The following PTPRG variants were observed in gnomAD, a reference collection of about 807,000 sequenced individuals.
The protein encoded by PTPRG is receptor-type tyrosine-protein phosphatase gamma.
In PTPRG, 102 loss-of-function variants were observed where a neutral mutation model predicts 165.3. The observed-to-expected ratio is 0.62, with a 90% CI of 0.53 to 0.73. The LOEUF is 0.73. Among genes scored for constraint, PTPRG ranks in the 30% least tolerant of loss-of-function variants. PTPRG has a pLI of 0.00. For synonymous variants in PTPRG, 675 were observed against 669.5 expected (o/e 1.01, Z -0.13); for missense variants, 1,866 against 1,861.4 (o/e 1.00, Z -0.05).
intron 13 of PTPRG, among the ~76,000 whole-genome samples, chr3:62,227,416 C>T (rs1183005503): frequency 6.6e-6 from 1 of 152,198 alleles, no homozygotes; most frequent in Non-Finnish European, 1.5e-5. Context: ...CCCCTGTTAA[C>T]CAGCAATAAT....
At chr3:61,636,979 T>C (rs1014828766) in intron 1 of PTPRG, among the ~76,000 whole-genome samples, 1 of 152,216 alleles carries the variant, frequency 6.6e-6, no homozygotes, top group African/African-American at 2.4e-5. Context: ...GCCAATTGGT[T>C]AAATCTCCAT....
chr3:61,959,795 C>T (rs1264985951), intron 2 of PTPRG, among the ~76,000 whole-genome samples: 1 of 152,192 alleles, frequency 6.6e-6, no homozygotes, highest in Non-Finnish European at 1.5e-5. Flanking sequence ...TGATCAGTGT[C>T]CCTGCCTGTG....
At chr3:62,020,584 A>G (rs2041665999) in intron 4 of PTPRG, among the ~76,000 whole-genome samples, 1 of 152,158 alleles carries the variant, frequency 6.6e-6, no homozygotes, top group African/African-American at 2.4e-5. Context: ...ACTTATTTCC[A>G]CTTAATAGAT....
Position 62,233,590 on chromosome 3 carries a change from A to T in PTPRG, c.2375+2279A>T, listed in dbSNP as rs1221982896. Among the ~76,000 whole-genome samples, 3 of 152,176 alleles carry T rather than the reference A, an allele frequency of 2.0e-5. No individual in the cohort carries two copies. The highest frequency in any genetic ancestry group is 4.4e-5 in the Non-Finnish European group (3 of 68,018). On this transcript the variant is annotated intron_variant, in intron 14 of 29. Transcript: ENST00000474889. The surrounding 1 kb of genome is among the most constrained non-coding windows in gnomAD (Gnocchi z 4.7). ...CCACCTAAAATGTGGCCAGGAATCA[A>T]AAGAAGAGCCCCCAGTGATAGCTAA... is the stretch of plus-strand genomic sequence containing the variant.
At chr3:61,844,123 C>A (rs1186672601) in intron 2 of PTPRG, among the ~76,000 whole-genome samples, 3 of 152,020 alleles carry the variant, frequency 2.0e-5, no homozygotes, top group African/African-American at 7.2e-5. Flanking sequence ...GCCCCCAGGC[C>A]CGGCTATATT....
intron 4 of PTPRG, among the ~76,000 whole-genome samples, chr3:62,006,554 C>T (rs931171882): frequency 1.3e-5 from 2 of 152,062 alleles, no homozygotes; most frequent in Non-Finnish European, 2.9e-5. Flanking sequence ...TATCATGGAG[C>T]AATTTATCAG....
In PTPRG at chr3:61,563,361, C is replaced by T. The variant is rs565962499; in HGVS notation, c.85+989C>T. Among the ~76,000 whole-genome samples, 206 of 152,232 alleles carry T rather than the reference C, an allele frequency of 1.4e-3. 1 individual carries two copies. Among genetic ancestry groups the T allele is most frequent in the African/African-American group, 4.7e-3 (195 of 41,562 alleles). On this transcript the variant is annotated intron_variant, in intron 1 of 29. Coordinates refer to ENST00000474889, the MANE Select transcript of PTPRG (RefSeq NM_002841.4). ...TCACCGCACGTAACGGTGTGCGGCT[C>T]GGCGACCCTCCACTTCCAGCTCTCA... is the stretch of plus-strand genomic sequence containing the variant.
At position 61,667,795 on chromosome 3, in the gene PTPRG, A is replaced by T. The variant is rs75178921; in HGVS notation, c.86-81083A>T. ...CTCTTTAAACAAAATTTTTTTAATT[A>T]AAAAAAAAAAAAAAGTCAGTCTGGC... On this transcript the variant is annotated intron_variant, in intron 1 of 29. Coordinates refer to ENST00000474889, the MANE Select transcript of PTPRG (RefSeq NM_002841.4). 7.4e-4 allele frequency among the ~76,000 whole-genome samples: 65 copies of T among 87,936 alleles called. 1 individual carries two copies. In the East Asian group the frequency reaches 0.016, roughly 21 times the overall value. 57.7% of individuals were successfully genotyped at this position (87,936 alleles called of 152,430 possible).
chr3:61,951,001 G>T (rs1319841968), intron 2 of PTPRG, among the ~76,000 whole-genome samples: 4 of 152,198 alleles, frequency 2.6e-5, no homozygotes, highest in Non-Finnish European at 5.9e-5. Flanking sequence ...CATTGGCTCT[G>T]TGGAATTTTC....
chr3:62,038,867 G>A (rs1238462041), intron 4 of PTPRG, among the ~76,000 whole-genome samples: 1 of 152,026 alleles, frequency 6.6e-6, no homozygotes, highest in Non-Finnish European at 1.5e-5. Context: ...CTTGGATCAT[G>A]GTAGTCTGTT....
At position 61,964,192 on chromosome 3, in the gene PTPRG, G is replaced by A. The variant is rs77872460; in HGVS notation, c.191-25433G>A. On this transcript the variant is annotated intron_variant, in intron 2 of 29. Coordinates refer to ENST00000474889, the MANE Select transcript of PTPRG (RefSeq NM_002841.4). ...CAGAAACATAGAACTAAGTTGATGG[G>A]AAAGAGGGGACAATTTTACTCTGTA... is the stretch of plus-strand genomic sequence containing the variant. Among the ~76,000 whole-genome samples the A allele has an allele frequency of 1.3e-3, 195 of 152,350 alleles. 5 individuals are homozygous for A. In the East Asian group the frequency reaches 0.031, roughly 24 times the overall value.
chr3:62,103,985 C>G (rs1702384908), intron 5 of PTPRG, among the ~76,000 whole-genome samples: 2 of 152,184 alleles, frequency 1.3e-5, no homozygotes, highest in Non-Finnish European at 2.9e-5. Flanking sequence ...GAAATAAAAG[C>G]ACAGTCAAAA....
intron 4 of PTPRG, among the ~76,000 whole-genome samples, chr3:62,063,525 A>G (rs1700891600): frequency 6.6e-6 from 1 of 152,238 alleles, no homozygotes; most frequent in African/African-American, 2.4e-5. Flanking sequence ...TATATAAAGT[A>G]AAATTATAGT....
chr3:62,210,011 C>T lies in PTPRG; in HGVS notation c.2155+6061C>T, dbSNP rs942198219. ...GGCCGTCTGATAGGTTAGGGCTTGCCGTCTTTTAGGGGCTTGGAATTAAAT... is the reference window on the plus strand; with the variant it reads ...GGCCGTCTGATAGGTTAGGGCTTGCTGTCTTTTAGGGGCTTGGAATTAAAT... On this transcript the variant is annotated intron_variant, in intron 12 of 29. Transcript: ENST00000474889. The surrounding 1 kb of genome is among the most constrained non-coding windows in gnomAD (Gnocchi z 4.1). Among the ~76,000 whole-genome samples the T allele has an allele frequency of 3.9e-5, 6 of 152,122 alleles. No homozygotes were observed. The highest frequency in any genetic ancestry group is 7.2e-5 in the African/African-American group (3 of 41,422).
intron 2 of PTPRG, among the ~76,000 whole-genome samples, chr3:61,846,660 AATC>A (rs1417381891): frequency 6.6e-6 from 1 of 151,950 alleles, no homozygotes; most frequent in Non-Finnish European, 1.5e-5. Flanking sequence ...TCATGCTTGT[AATC>A]CCAGCACTTG....
chr3:61,816,851 A>G (rs2035777113), intron 2 of PTPRG, among the ~76,000 whole-genome samples: 3 of 151,210 alleles, frequency 2.0e-5, no homozygotes, highest in Admixed American at 1.3e-4. Context: ...GCTGATGAGA[A>G]AAGTTTCAGT....
intron 26 of PTPRG, among the ~76,000 whole-genome samples, chr3:62,280,385 A>G (rs1487322818): frequency 6.6e-6 from 1 of 152,044 alleles, no homozygotes; most frequent in Non-Finnish European, 1.5e-5. Flanking sequence ...CAGTAGTAGA[A>G]TCATGAAATA....
chr3:62,285,033 A>G (rs757107395), intron 28 of PTPRG, among the ~76,000 whole-genome samples: 104 of 152,210 alleles, frequency 6.8e-4, no homozygotes, highest in Admixed American at 7.9e-4. Context: ...AATCATTAAC[A>G]TGACAACCAT....
intron 1 of PTPRG, among the ~76,000 whole-genome samples, chr3:61,609,742 C>G (rs1701115123): frequency 6.6e-6 from 1 of 152,032 alleles, no homozygotes; most frequent in South Asian, 2.1e-4. Flanking sequence ...ACCTGTAGTC[C>G]TAGCTACTTG....
Sources: gnomAD v4.1 joint callset for allele counts (sites outside exome capture counted in the v4.1 genomes callset) on GRCh38, gnomAD v4.1.1 for gene constraint, Gnocchi (gnomAD v3.1) non-coding constraint, MANE v1.5 for transcripts, NCBI Gene and HGNC (gene_info 2026-07-23, HGNC 2026-07-21) for gene names.